PANK2: variants seen among roughly 807,000 people sequenced by gnomAD.
PANK2 encodes pantothenate kinase 2.
PANK2 carries 36 observed loss-of-function variants against 43.1 expected under a neutral mutation model. The ratio of observed to expected loss-of-function variants is 0.84; its 90% CI spans 0.64 to 1.10. The LOEUF is 1.10. Ranked by LOEUF, PANK2 falls within the 50% of genes least tolerant of loss-of-function variation. The pLI is 0.00. For synonymous variants in PANK2, 281 were observed against 238.2 expected (o/e 1.18, Z -1.66); for missense variants, 576 against 593.3 (o/e 0.97, Z 0.30).
rs766622211 is a variant in PANK2 at position 3,889,456 on chromosome 20, G to A, written c.26G>A (p.Arg9Gln). The change falls in exon 1 of 7, where the codon CGA becomes CAA. Residue 9 changes from arginine (R) to glutamine (Q), a missense_variant. By Grantham distance (43) the Arg-to-Gln change is conservative. Coordinates refer to ENST00000610179, the MANE Select transcript of PANK2 (RefSeq NM_001386393.1). ...CTGGGGGGCTTGCTCGGGCGGCAGC[G>A]ACTGCTGCTGCGGATGGGAGGGGGC... The A allele has an allele frequency of 6.5e-7, 1 of 1,546,540 alleles. No individual in the cohort carries two copies. The highest frequency in any genetic ancestry group is 1.9e-5 in the Admixed American group (1 of 52,012).
chr20:3,917,983 G>T (rs1374382386), intron 5 of PANK2, among the ~76,000 whole-genome samples: 1 of 152,116 alleles, frequency 6.6e-6, no homozygotes, highest in East Asian at 1.9e-4. Flanking sequence ...GCATTTGGTT[G>T]CTTGCTCATA....
intron 5 of PANK2, among the ~76,000 whole-genome samples, chr20:3,917,257 G>T (rs1192364647): frequency 1.3e-5 from 2 of 151,662 alleles, no homozygotes; most frequent in African/African-American, 4.8e-5. Context: ...TTGTCTAGAG[G>T]TAAAATGACA....
chr20:3,918,960 C>T (rs911471021), intron 6 of PANK2, among the ~76,000 whole-genome samples, 164 bp downstream of exon 6: 4 of 152,102 alleles, frequency 2.6e-5, no homozygotes, highest in South Asian at 4.1e-4. Context: ...GGTTGGAGTG[C>T]GTGGCACAGT....
intron 2 of PANK2, chr20:3,908,803 C>A: frequency 5.9e-6 from 1 of 170,564 alleles, no homozygotes; most frequent in Non-Finnish European, 1.3e-5. Context: ...CTGATGTGTT[C>A]TGTGCTGCAC....
At chr20:3,899,216 G>T (rs1274723447) in intron 1 of PANK2, among the ~76,000 whole-genome samples, 3 of 146,316 alleles carry the variant, frequency 2.1e-5, no homozygotes, top group Non-Finnish European at 4.6e-5. Context: ...CTGTCATCCA[G>T]GCTGGAGTGC....
At chr20:3,918,210 G>A (rs1356697987) in intron 5 of PANK2, among the ~76,000 whole-genome samples, 1 of 152,082 alleles carries the variant, frequency 6.6e-6, no homozygotes, top group Admixed American at 6.6e-5. Flanking sequence ...TGATGGTGGT[G>A]GTGGAATTTC....
intron 1 of PANK2, among the ~76,000 whole-genome samples, chr20:3,900,871 C>T (rs529449489): frequency 1.5e-4 from 23 of 151,902 alleles, no homozygotes; most frequent in African/African-American, 5.3e-4. Context: ...TGGGTTCAAG[C>T]GATTCTCCTG....
intron 3 of PANK2, among the ~76,000 whole-genome samples, 180 bp downstream of exon 3, chr20:3,911,010 T>C (rs974806706): frequency 2.0e-5 from 3 of 152,248 alleles, no homozygotes; most frequent in African/African-American, 4.8e-5. Context: ...ATCTCTACTG[T>C]TCAAGATTTA....
Position 3,918,740 on chromosome 20 carries a change from T to C in PANK2, c.1276T>C (p.Tyr426His), listed in dbSNP as rs1341144110. 2.5e-6 allele frequency: 4 copies of C among 1,614,252 alleles called. No individual in the cohort carries two copies. The highest frequency in any genetic ancestry group is 3.4e-6 in the Non-Finnish European group (4 of 1,180,048). The stretch of plus-strand genomic sequence containing the variant: ...TACGATCGCCATGCGGCTTTTGGCA[T>C]ATGCTTTGGATTATTGGTCCAAGGG... Residue 426 changes from tyrosine (Y) to histidine (H), a missense_variant, in exon 6 of 7, where the codon TAT becomes CAT. By Grantham distance (83) the Tyr-to-His change is moderately conservative. This residue lies in a region of PANK2 where 32 missense variants were observed against 64.3 expected (regional missense o/e 0.50). Coordinates refer to ENST00000610179, the MANE Select transcript of PANK2 (RefSeq NM_001386393.1).
chr20:3,907,647 A>G (rs1005512105), intron 1 of PANK2, among the ~76,000 whole-genome samples: 4 of 152,066 alleles, frequency 2.6e-5, no homozygotes. Flanking sequence ...TCATCTTGTT[A>G]TTTTTAAAAC....
chr20:3,888,854 CTGGCGGCCTCGACGG>C, upstream of PANK2: 1 of 483,286 alleles, frequency 2.1e-6, no homozygotes, highest in African/African-American at 2.0e-5. Flanking sequence ...GGGGGAGGGG[CTGGCGGCCTCGACGG>C]CAGCTGCGGA....
upstream of PANK2, chr20:3,889,001 G>C (rs535790498): frequency 4.1e-4 from 399 of 961,758 alleles, 3 homozygotes; most frequent in African/African-American, 6.2e-3. Context: ...CTGCGAGGAC[G>C]GCACGGAGCA....
chr20:3,908,216 C>G lies in PANK2; in HGVS notation c.589C>G (p.Leu197Val). 1 of 1,613,564 alleles carries G rather than the reference C, an allele frequency of 6.2e-7. No individual in the cohort carries two copies. Among genetic ancestry groups the G allele is most frequent in the Non-Finnish European group, 8.5e-7 (1 of 1,180,030 alleles). The change falls in exon 2 of 7, where the codon CTC becomes GTC. Residue 197 changes from leucine (L) to valine (V), a missense_variant. Around this residue, in one of 2 missense-constraint regions of PANK2, gnomAD observed 544 missense variants for 528.9 expected, o/e 1.03. Coordinates refer to ENST00000610179, the MANE Select transcript of PANK2 (RefSeq NM_001386393.1). ...GGGCAGAGATAAAAACTTCTCGAGT[C>G]TCCACACTGTCTTTTGTGCCACTGG...
chr20:3,889,426 C>G lies in PANK2; in HGVS notation c.-5C>G. ...GCCGCGGAGGAGGCGAGAAGGAATCCGACGCTGGGGGGCTTGCTCGGGCGG... is the reference window on the plus strand; with the variant it reads ...GCCGCGGAGGAGGCGAGAAGGAATCGGACGCTGGGGGGCTTGCTCGGGCGG... On this transcript the variant is annotated 5_prime_UTR_variant, in exon 1 of 7. Coordinates refer to ENST00000610179, the MANE Select transcript of PANK2 (RefSeq NM_001386393.1). 1 of 1,567,420 alleles carries G rather than the reference C, an allele frequency of 6.4e-7. No homozygotes were observed. The highest frequency in any genetic ancestry group is 8.6e-7 in the Non-Finnish European group (1 of 1,160,844).
chr20:3,894,414 A>G (rs1387946647), intron 1 of PANK2, among the ~76,000 whole-genome samples: 2 of 138,232 alleles, frequency 1.4e-5, no homozygotes, highest in African/African-American at 2.7e-5. Context: ...CTAATTTTGT[A>G]TTTTTAGTAG....
At chr20:3,903,125 A>T (rs2090330402) in intron 1 of PANK2, among the ~76,000 whole-genome samples, 1 of 147,736 alleles carries the variant, frequency 6.8e-6, no homozygotes. Context: ...AGATGTAAAA[A>T]TGATTAGCTT....
chr20:3,889,968 TC>T (rs778428496), intron 1 of PANK2: 33 of 1,502,192 alleles, frequency 2.2e-5, no homozygotes, highest in Non-Finnish European at 2.8e-5. Flanking sequence ...GGAGGGCTTT[TC>T]CCCAGGACCT....
Position 3,907,942 on chromosome 20 carries a change from A to T in PANK2, c.315A>T (p.Gly105=), listed in dbSNP as rs763959087. The change falls in exon 2 of 7, where the codon GGA becomes GGT. Residue 105 remains glycine, a synonymous_variant. Transcript: ENST00000610179. The stretch of plus-strand genomic sequence containing the variant: ...CCCATTTAGTTTTTCCATGGTTTGG[A>T]CTGGATATCGGTGGAACTCTGGTCA... 1 of 1,614,088 alleles carries T rather than the reference A, an allele frequency of 6.2e-7. No homozygotes were observed. The highest frequency in any genetic ancestry group is 1.3e-5 in the African/African-American group (1 of 75,010).
At chr20:3,900,558 A>G (rs1267455188) in intron 1 of PANK2, among the ~76,000 whole-genome samples, 3 of 151,888 alleles carry the variant, frequency 2.0e-5, no homozygotes, top group East Asian at 1.9e-4. Context: ...GTGTGACTCC[A>G]TTGTGGGTGA....
Sources: gnomAD v4.1 joint callset for allele counts (sites outside exome capture counted in the v4.1 genomes callset) on GRCh38, gnomAD v4.1.1 for gene constraint, gnomAD v4.1.1 regional missense constraint, MANE v1.5 for transcripts, NCBI Gene and HGNC (gene_info 2026-07-23, HGNC 2026-07-21) for gene names.